PIK3R3: variants seen among roughly 807,000 people sequenced by gnomAD.
PIK3R3 encodes phosphoinositide-3-kinase regulatory subunit 3, also known as phosphatidylinositol 3-kinase regulatory subunit gamma.
In PIK3R3, 64 loss-of-function variants were observed where a neutral mutation model predicts 62.9. The observed-to-expected ratio is 1.02, with a 90% CI of 0.83 to 1.25. The LOEUF (loss-of-function observed/expected upper bound fraction) is 1.25. Ranked by LOEUF, PIK3R3 falls within the 50% of genes most tolerant of loss-of-function variation. PIK3R3 has a pLI of 0.00. For synonymous variants in PIK3R3, 165 were observed against 189.0 expected (o/e 0.87, Z 1.04); for missense variants, 614 against 561.6 (o/e 1.09, Z -0.94).
chr1:46,093,770 G>C (rs1241917058), intron 1 of PIK3R3, among the ~76,000 whole-genome samples: 1 of 150,496 alleles, frequency 6.6e-6, no homozygotes, highest in African/African-American at 2.4e-5. Flanking sequence ...CAGGAGAATC[G>C]CTTGAACCCA....
the PIK3R3 span, among the ~76,000 whole-genome samples, chr1:46,152,523 C>A: frequency 4.6e-5 from 7 of 151,826 alleles, no homozygotes; most frequent in African/African-American, 1.7e-4. Context: ...CAACTCCATT[C>A]CCTGGTATCT....
At chr1:46,100,617 A>G (rs749541231) in intron 1 of PIK3R3, among the ~76,000 whole-genome samples, 1 of 152,218 alleles carries the variant, frequency 6.6e-6, no homozygotes, top group Non-Finnish European at 1.5e-5. Context: ...CATACATTTT[A>G]GAGCTTGTCA....
chr1:46,157,863 A>G, the PIK3R3 span, among the ~76,000 whole-genome samples: 1 of 152,254 alleles, frequency 6.6e-6, no homozygotes, highest in Non-Finnish European at 1.5e-5. Flanking sequence ...GGTATTTCAT[A>G]ATACCTTTAT....
intron 1 of PIK3R3, 117 bp downstream of exon 1, chr1:46,131,730 C>G (rs749157909): frequency 2.4e-6 from 2 of 821,680 alleles, no homozygotes. Context: ...AACTGCAAAT[C>G]TCCTCATCCC....
chr1:46,059,628 C>A (rs982995218), intron 6 of PIK3R3, among the ~76,000 whole-genome samples: 4 of 151,784 alleles, frequency 2.6e-5, no homozygotes, highest in African/African-American at 9.7e-5. Flanking sequence ...CCCATCTCTA[C>A]AAAAAGATTT....
intron 1 of PIK3R3, among the ~76,000 whole-genome samples, chr1:46,098,351 G>A (rs955172972): frequency 1.3e-5 from 2 of 152,196 alleles, no homozygotes; most frequent in African/African-American, 4.8e-5. Context: ...ACTCTTACAT[G>A]TATACGCAAC....
chr1:46,084,893 C>G (rs1650921735), intron 1 of PIK3R3, among the ~76,000 whole-genome samples: 1 of 152,162 alleles, frequency 6.6e-6, no homozygotes, highest in Non-Finnish European at 1.5e-5. Flanking sequence ...AACCAATGTG[C>G]TTCATTGTAT....
At position 46,041,590 on chromosome 1, in the gene PIK3R3, G is replaced by A. The variant is rs2149367642; in HGVS notation, c.*2083C>T. The A allele has an allele frequency of 5.5e-6, 1 of 180,514 alleles. No homozygotes were observed. Among genetic ancestry groups the A allele is most frequent in the Non-Finnish European group, 1.2e-5 (1 of 84,056 alleles). The allele number at this position is 180,514 out of a possible 1,614,324, so 11.2% of individuals were successfully genotyped here. On this transcript the variant is annotated 3_prime_UTR_variant, in exon 10 of 10. Coordinates refer to ENST00000262741, the MANE Select transcript of PIK3R3 (RefSeq NM_003629.4). ...ACTGAAATTTTAGTACCAGATGGGA[G>A]GGATTCCTTGCACGTAATCTTGAGC...
chr1:46,052,512 A>G (rs1457082843), intron 7 of PIK3R3, among the ~76,000 whole-genome samples: 1 of 152,204 alleles, frequency 6.6e-6, no homozygotes, highest in Admixed American at 6.5e-5. Flanking sequence ...AAGCACATTA[A>G]TCTTAAGTGT....
Position 46,043,298 on chromosome 1 carries a change from A to T in PIK3R3, c.*375T>A, listed in dbSNP as rs2149369255. On this transcript the variant is annotated 3_prime_UTR_variant, in exon 10 of 10. Transcript: ENST00000262741. ...AGAGCCATGCCCCTGCTGCACTCTC[A>T]AGAGTTAGATTTTAAAAAGACATGG... The T allele has an allele frequency of 3.8e-6, 1 of 263,780 alleles. No individual in the cohort carries two copies. The highest frequency in any genetic ancestry group is 5.5e-5 in the East Asian group (1 of 18,144). The allele number at this position is 263,780 out of a possible 1,614,324, so 16.3% of individuals were successfully genotyped here.
the PIK3R3 span, among the ~76,000 whole-genome samples, chr1:46,170,729 T>C: frequency 6.6e-6 from 1 of 152,152 alleles, no homozygotes; most frequent in South Asian, 2.1e-4. Flanking sequence ...CCCTGCCTGG[T>C]TTAAGCTTAT....
At chr1:46,158,736 AAATC>A in the PIK3R3 span, among the ~76,000 whole-genome samples, 1 of 152,256 alleles carries the variant, frequency 6.6e-6, no homozygotes, top group Non-Finnish European at 1.5e-5. Flanking sequence ...GGAGAATCAC[AAATC>A]ATTATCAAAA....
chr1:46,103,267 T>G (rs1285773403), intron 1 of PIK3R3, among the ~76,000 whole-genome samples: 1 of 152,174 alleles, frequency 6.6e-6, no homozygotes, highest in Non-Finnish European at 1.5e-5. Context: ...TTAGTATCAC[T>G]TAACAATACA....
the PIK3R3 span, among the ~76,000 whole-genome samples, chr1:46,164,646 A>G: frequency 6.6e-6 from 1 of 152,084 alleles, no homozygotes; most frequent in Non-Finnish European, 1.5e-5. Context: ...AACAAAAAAA[A>G]CTGGCCTCAA....
Position 46,074,189 on chromosome 1 carries a change from C to G in PIK3R3, c.314+3326G>C, listed in dbSNP as rs553796115. Among the ~76,000 whole-genome samples, 3 of 142,734 alleles carry G rather than the reference C, an allele frequency of 2.1e-5. No homozygotes were observed. In the South Asian group the frequency reaches 6.8e-4, roughly 33 times the overall value. The allele number at this position is 142,734 out of a possible 152,430, so 93.6% of individuals were successfully genotyped here. ...CCTGTAGTCCCAGCTACTCAGCAGG[C>G]TGAGGCAGGAGAATGGTGGGAACCT... On this transcript the variant is annotated intron_variant, in intron 3 of 9. Coordinates refer to ENST00000262741, the MANE Select transcript of PIK3R3 (RefSeq NM_003629.4).
At chr1:46,156,391 G>A in the PIK3R3 span, among the ~76,000 whole-genome samples, 1 of 151,314 alleles carries the variant, frequency 6.6e-6, no homozygotes, top group Non-Finnish European at 1.5e-5. Context: ...CCCTGGAGAC[G>A]GAGGTTCCAG....
At chr1:46,120,528 G>A (rs755478629) in intron 1 of PIK3R3, among the ~76,000 whole-genome samples, 1 of 152,130 alleles carries the variant, frequency 6.6e-6, no homozygotes. Flanking sequence ...AGCTGAGATC[G>A]TGCCACTGCA....
intron 1 of PIK3R3, among the ~76,000 whole-genome samples, chr1:46,102,790 T>C (rs1435432680): frequency 3.0e-5 from 4 of 133,970 alleles, no homozygotes; most frequent in Non-Finnish European, 6.2e-5. Flanking sequence ...CTTCTTATTC[T>C]GGGTATATAT....
At position 46,073,786 on chromosome 1, in the gene PIK3R3, A is replaced by AT. The variant is rs35378730; in HGVS notation, c.314+3728dup. ...AGGCGCATGCCACCACATTCAGTTAATTTTTTTTTTTTTTTTTTTTAGTAT... is the reference window on the plus strand; with the variant it reads ...AGGCGCATGCCACCACATTCAGTTAATTTTTTTTTTTTTTTTTTTTTAGTAT... On this transcript the variant is annotated intron_variant, in intron 3 of 9. Coordinates refer to ENST00000262741, the MANE Select transcript of PIK3R3 (RefSeq NM_003629.4). Among the ~76,000 whole-genome samples, 272 of 123,644 alleles carry AT rather than the reference A, an allele frequency of 2.2e-3. 1 individual carries two copies. The highest frequency in any genetic ancestry group is 4.7e-3 in the South Asian group (17 of 3,636). The allele number at this position is 123,644 out of a possible 152,430, so 81.1% of individuals were successfully genotyped here. A position where few individuals can be genotyped will look rare whatever the true frequency, so the allele number is the denominator to read the frequency against.
Sources: gnomAD v4.1 joint callset for allele counts (sites outside exome capture counted in the v4.1 genomes callset) on GRCh38, gnomAD v4.1.1 for gene constraint, MANE v1.5 for transcripts, NCBI Gene and HGNC (gene_info 2026-07-23, HGNC 2026-07-21) for gene names.